The following DLC1 variants were observed in gnomAD, a reference collection of about 807,000 sequenced individuals.
The protein encoded by DLC1 is DLC1 Rho GTPase activating protein.
In DLC1, 54 loss-of-function variants were observed where a neutral mutation model predicts 140.3. The ratio of observed to expected loss-of-function variants is 0.38; its 90% confidence interval spans 0.31 to 0.48. The LOEUF is 0.48. DLC1 is among the 20% of genes least tolerant of loss of function. The probability of loss-of-function intolerance (pLI) is 0.96; values close to 1 mark genes in which losing one functional copy is unlikely to be tolerated. For synonymous variants in DLC1, 986 were observed against 728.1 expected (o/e 1.35, Z -5.70); for missense variants, 2,536 against 1,907.0 (o/e 1.33, Z -6.14).
At chr8:13,512,336 A>G (rs540332191) in intron 1 of DLC1, among the ~76,000 whole-genome samples, 5 of 152,284 alleles carry the variant, frequency 3.3e-5, no homozygotes, top group South Asian at 4.1e-4. Flanking sequence ...CTGAGAAGGT[A>G]TACTGCTTCA....
At chr8:13,576,836 C>T (rs1439921148) in intron 1 of DLC1, among the ~76,000 whole-genome samples, 1 of 152,144 alleles carries the variant, frequency 6.6e-6, no homozygotes, top group East Asian at 1.9e-4. Flanking sequence ...TGCAAGTGCC[C>T]TACGAGTAGC....
At chr8:13,178,408 A>G (rs754162663) in intron 5 of DLC1, among the ~76,000 whole-genome samples, 11 of 151,952 alleles carry the variant, frequency 7.2e-5, no homozygotes, top group Non-Finnish European at 1.2e-4. Context: ...TAAAAATACA[A>G]AAAATTAGCC....
At chr8:13,317,746 A>T (rs963040115) in intron 4 of DLC1, among the ~76,000 whole-genome samples, 1 of 152,164 alleles carries the variant, frequency 6.6e-6, no homozygotes, top group Non-Finnish European at 1.5e-5. Context: ...GACCCTTAAG[A>T]GGATTGCATT....
chr8:13,509,194 C>T (rs1173044039), intron 1 of DLC1, among the ~76,000 whole-genome samples: 1 of 152,144 alleles, frequency 6.6e-6, no homozygotes, highest in African/African-American at 2.4e-5. Context: ...TTTAGCTTTG[C>T]TATCATTTCT....
At chr8:13,543,561 C>A (rs1224956515) in intron 1 of DLC1, among the ~76,000 whole-genome samples, 1 of 152,072 alleles carries the variant, frequency 6.6e-6, no homozygotes, top group East Asian at 1.9e-4. Flanking sequence ...AAGTGCCCAT[C>A]AACCACTGAG....
intron 4 of DLC1, among the ~76,000 whole-genome samples, chr8:13,326,313 G>C (rs1306273101): frequency 7.2e-5 from 11 of 152,176 alleles, no homozygotes; most frequent in Admixed American, 6.5e-5. Context: ...TGGAAGGGTT[G>C]CATTTATAGC....
At chr8:13,285,347 G>A (rs963523514) in intron 5 of DLC1, among the ~76,000 whole-genome samples, 1 of 152,064 alleles carries the variant, frequency 6.6e-6, no homozygotes, top group Non-Finnish European at 1.5e-5. Flanking sequence ...TAACCATATG[G>A]AAAAAAGAAA....
At chr8:13,453,947 A>G (rs1168103510) in intron 2 of DLC1, among the ~76,000 whole-genome samples, 2 of 152,116 alleles carry the variant, frequency 1.3e-5, no homozygotes, top group African/African-American at 4.8e-5. Flanking sequence ...ATGAGAATAT[A>G]CTGTGAAACC....
chr8:13,194,579 C>T (rs926635213), intron 5 of DLC1, among the ~76,000 whole-genome samples: 6 of 152,296 alleles, frequency 3.9e-5, no homozygotes, highest in Middle Eastern at 3.4e-3. Context: ...AAGAAAGCCA[C>T]GGGCAGAGGC....
At chr8:13,576,099 T>A (rs1221668332) in intron 1 of DLC1, among the ~76,000 whole-genome samples, 4 of 152,190 alleles carry the variant, frequency 2.6e-5, no homozygotes, top group African/African-American at 9.7e-5. Context: ...ATACTGGCCC[T>A]TAGATCACAC....
intron 5 of DLC1, among the ~76,000 whole-genome samples, chr8:13,205,452 A>T (rs1827614878): frequency 6.6e-6 from 1 of 152,214 alleles, no homozygotes; most frequent in Non-Finnish European, 1.5e-5. Flanking sequence ...TCCGCGGCAT[A>T]AATGAGTTGG....
intron 5 of DLC1, among the ~76,000 whole-genome samples, chr8:13,253,431 A>ATGTG (rs3065442): frequency 0.019 from 2,894 of 149,798 alleles, 81 homozygotes; most frequent in African/African-American, 0.067. Flanking sequence ...AATACATATT[A>ATGTG]TGTGTGTGTG....
At chr8:13,277,279 C>G (rs748606079) in intron 5 of DLC1, among the ~76,000 whole-genome samples, 15 of 152,146 alleles carry the variant, frequency 9.9e-5, no homozygotes, top group Non-Finnish European at 2.2e-4. Flanking sequence ...CCCCACTGCT[C>G]TCCAGCCTGG....
chr8:13,458,125 A>C (rs1399840954), intron 2 of DLC1, among the ~76,000 whole-genome samples: 1 of 152,200 alleles, frequency 6.6e-6, no homozygotes, highest in African/African-American at 2.4e-5. Flanking sequence ...AAGTAGAAAG[A>C]GTCTAGACAC....
chr8:13,528,231 A>G (rs549492897), intron 1 of DLC1, among the ~76,000 whole-genome samples: 3 of 152,278 alleles, frequency 2.0e-5, no homozygotes, highest in African/African-American at 7.2e-5. Context: ...CTACAATATT[A>G]CTTCTACACC....
chr8:13,254,720 T>G (rs1304874617), intron 5 of DLC1, among the ~76,000 whole-genome samples: 1 of 142,684 alleles, frequency 7.0e-6, no homozygotes, highest in Admixed American at 7.6e-5. Context: ...TATCTGAGAG[T>G]AGGGAAAGGG....
intron 5 of DLC1, among the ~76,000 whole-genome samples, chr8:13,225,266 T>C (rs1392566788): frequency 1.4e-4 from 22 of 152,212 alleles, no homozygotes; most frequent in Admixed American, 1.4e-3. Context: ...CCCAAAACAC[T>C]TTCAAAAGGC....
intron 2 of DLC1, among the ~76,000 whole-genome samples, chr8:13,449,309 G>T (rs546366619): frequency 2.6e-5 from 4 of 152,292 alleles, no homozygotes; most frequent in African/African-American, 9.6e-5. Flanking sequence ...GGGAACATTT[G>T]TCTTTGAAAC....
intron 5 of DLC1, among the ~76,000 whole-genome samples, chr8:13,118,004 C>CTTTTTTTTTTTTTTTTTTTT (rs35775672): frequency 6.1e-5 from 7 of 114,978 alleles, no homozygotes; most frequent in East Asian, 2.5e-4. Flanking sequence ...TGTTCTCTTT[C>CTTTTTTTTTTTTTTTTTTTT]TTTTTTTTTT....
Sources: allele counts gnomAD v4.1 joint callset (sites outside exome capture counted in the v4.1 genomes callset), GRCh38; gene constraint gnomAD v4.1.1; transcripts MANE v1.5; gene names NCBI Gene and HGNC (gene_info 2026-07-23, HGNC 2026-07-21).